Variants in KIF21B observed in about 807,000 individuals in gnomAD.
The protein encoded by KIF21B is kinesin family member 21B.
A neutral mutation model predicts 192.9 loss-of-function variants in KIF21B; 85 were observed. The ratio of observed to expected loss-of-function variants is 0.44; its 90% CI spans 0.37 to 0.53. The LOEUF (loss-of-function observed/expected upper bound fraction) is 0.53. KIF21B is among the 20% of genes least tolerant of loss of function. The pLI is 0.00. For missense variants in KIF21B, 1,716 were observed against 2,194.8 expected (o/e 0.78, Z 4.36); for synonymous variants, 832 against 884.6 (o/e 0.94, Z 1.05).
At chr1:200,976,153 C>T (rs556441432) in intron 32 of KIF21B, among the ~76,000 whole-genome samples, 3 of 152,284 alleles carry the variant, frequency 2.0e-5, no homozygotes, top group African/African-American at 7.2e-5. Context: ...TGCCGTGGTG[C>T]AAACTCGGCT....
chr1:201,014,586 C>T (rs1188089046), intron 1 of KIF21B, among the ~76,000 whole-genome samples: 2 of 152,222 alleles, frequency 1.3e-5, no homozygotes, highest in Non-Finnish European at 2.9e-5. Flanking sequence ...CCTAGCCGGG[C>T]CTCATCCCCA....
At chr1:201,011,024 G>A (rs1460404128) in intron 1 of KIF21B, among the ~76,000 whole-genome samples, 1 of 152,204 alleles carries the variant, frequency 6.6e-6, no homozygotes, top group Admixed American at 6.5e-5. Flanking sequence ...TTATAGGTCA[G>A]TGGTTCTCCC....
chr1:200,987,070 G>A lies in KIF21B; in HGVS notation c.3540C>T (p.Gly1180=). The change falls in exon 25 of 35, where the codon GGC becomes GGT. Residue 1180 remains glycine (G), a synonymous_variant. Transcript: ENST00000461742. ...SLVEIKEDGV[G]FSVRDPYYRD... ...GGTAATAGGGGTCTCGGACAGAGAA[G>A]CCCACTCCGTCCTCTTTGATCTCAA... The A allele has an allele frequency of 1.2e-6, 2 of 1,614,036 alleles. No individual in the cohort carries two copies. The highest frequency in any genetic ancestry group is 1.7e-6 in the Non-Finnish European group (2 of 1,180,006).
In KIF21B at chr1:200,975,432, A is replaced by C. The variant is rs1190017659; in HGVS notation, c.4614+67T>G. ...GCGAGTCCAGGTCCCAGGGTCTCCA[A>C]GGCCCTGCGTGGGCTATGGAAACCA... On this transcript the variant is annotated intron_variant, in intron 33 of 34. Transcript: ENST00000461742. This position sits in a 1 kb window ranked among gnomAD's most constrained non-coding sequence, Gnocchi z 4.3. 1 of 1,463,174 alleles carries C rather than the reference A, an allele frequency of 6.8e-7. No homozygotes were observed. Among genetic ancestry groups the C allele is most frequent in the Non-Finnish European group, 9.4e-7 (1 of 1,065,220 alleles). The allele number at this position is 1,463,174 out of a possible 1,614,324, so 90.6% of individuals were successfully genotyped here. A position where few individuals can be genotyped will look rare whatever the true frequency, so the allele number is the denominator to read the frequency against.
chr1:200,981,058 C>G lies in KIF21B; in HGVS notation c.3881G>C (p.Arg1294Pro). The G allele has an allele frequency of 6.2e-7, 1 of 1,606,534 alleles. No individual in the cohort carries two copies. Among genetic ancestry groups the G allele is most frequent in the Non-Finnish European group, 8.5e-7 (1 of 1,177,370 alleles). ...ISPVGGAKGA[R>P]TAPLQCVSMA... ...GGAGACACACTGCAGTGGGGCCGTC[C>G]GTGCACCCTTGGCTCCTCCAACCGG... Residue 1294 changes from arginine to proline, a missense_variant, in exon 29 of 35, where the codon CGG (arginine) becomes CCG (proline). Arg to Pro is a moderately radical substitution (Grantham distance 103, BLOSUM62 -2). Transcript: ENST00000461742.
Position 201,002,276 on chromosome 1 carries a change from C to T in KIF21B, c.1287G>A (p.Lys429=), listed in dbSNP as rs563360685. ...CCCGCAGCCGCAGGGCCCCATTCTC[C>T]TTCTGTAGCATGGCATTCTCTCGGA... ...DLFRENAMLQ[K]ENGALRLRVK... The change falls in exon 9 of 35, where the codon AAG becomes AAA. Residue 429 remains lysine, a synonymous_variant. Coordinates refer to ENST00000461742, the MANE Select transcript of KIF21B (RefSeq NM_001252102.2). The T allele has an allele frequency of 2.5e-6, 4 of 1,614,226 alleles. No individual in the cohort carries two copies. The African/African-American group carries it at 4.0e-5, about 16-fold the overall frequency.
intron 21 of KIF21B, 57 bp downstream of exon 21, chr1:200,989,885 T>C (rs1656563660): frequency 7.2e-7 from 1 of 1,384,032 alleles, no homozygotes; most frequent in Non-Finnish European, 1.0e-6. Context: ...CACTAGGGTA[T>C]ATCACAGAGG....
chr1:200,990,389 CA>C lies in KIF21B; in HGVS notation c.2836-58del, dbSNP rs2102410602. 1 of 1,525,348 alleles carries C rather than the reference CA, an allele frequency of 6.6e-7. No individual in the cohort carries two copies. The highest frequency in any genetic ancestry group is 8.9e-7 in the Non-Finnish European group (1 of 1,128,938). The allele number at this position is 1,525,348 out of a possible 1,614,324, so 94.5% of individuals were successfully genotyped here. A position where few individuals can be genotyped will look rare whatever the true frequency, so the allele number is the denominator to read the frequency against. On this transcript the variant is annotated intron_variant, in intron 19 of 34. Transcript: ENST00000461742. This position sits in a 1 kb window ranked among gnomAD's most constrained non-coding sequence, Gnocchi z 5.4. ...TGAAGGAGAGGCCTCAGGTAGCTGC[CA>C]AGCCCTGCCCATAGCTTCCACCACA...
rs200566164 is a variant in KIF21B at position 200,992,397 on chromosome 1, G to A, written c.2278-8C>T. 42 of 1,611,964 alleles carry A rather than the reference G, an allele frequency of 2.6e-5. No homozygotes were observed. Among genetic ancestry groups the A allele is most frequent in the African/African-American group, 2.3e-4 (17 of 75,068 alleles). On this transcript the variant is annotated splice_region_variant and splice_polypyrimidine_tract_variant and intron_variant, in intron 15 of 34. Coordinates refer to ENST00000461742, the MANE Select transcript of KIF21B (RefSeq NM_001252102.2). ...CTGCTTCATCAGGGCCACCTGGGATGGGCAGAGATTATGGTGGTGAGACAG... is the reference window on the plus strand; with the variant it reads ...CTGCTTCATCAGGGCCACCTGGGATAGGCAGAGATTATGGTGGTGAGACAG...
chr1:201,022,977 A>G (rs895240859), intron 1 of KIF21B, among the ~76,000 whole-genome samples: 2 of 152,244 alleles, frequency 1.3e-5, no homozygotes, highest in African/African-American at 4.8e-5. Flanking sequence ...CCTCTCTGGT[A>G]TCCCCGTATG....
intron 30 of KIF21B, 39 bp downstream of exon 30, chr1:200,979,496 C>T (rs1200171104): frequency 7.4e-6 from 11 of 1,484,300 alleles, no homozygotes; most frequent in Non-Finnish European, 9.0e-6. Flanking sequence ...ACACAGCCTG[C>T]TGCAGCCGAC....
Position 200,973,573 on chromosome 1 carries a change from A to G in KIF21B, c.4820T>C (p.Leu1607Pro), listed in dbSNP as rs1655340281. 2.0e-6 allele frequency: 3 copies of G among 1,515,452 alleles called. No individual in the cohort carries two copies. The highest frequency in any genetic ancestry group is 2.5e-5 in the East Asian group (1 of 40,018). The allele number at this position is 1,515,452 out of a possible 1,614,324, so 93.9% of individuals were successfully genotyped here. ...CCGGACACTCCAGAACTTCACCGTC[A>G]GGTCACTGGGGTGGAGGACAAAGTG... Reference protein sequence around the residue: ...AKHIFTASSDLTVKFWSVRRL... With the variant: ...AKHIFTASSDPTVKFWSVRRL... Residue 1607 changes from leucine to proline, a missense_variant, in exon 35 of 35, where the codon CTG (leucine) becomes CCG (proline). Coordinates refer to ENST00000461742, the MANE Select transcript of KIF21B (RefSeq NM_001252102.2).
At position 200,999,424 on chromosome 1, in the gene KIF21B, C is replaced by T. The variant is rs761570467; in HGVS notation, c.1810G>A (p.Gly604Arg). ...RDESGCEEEE[G>R]REDEDEDSGS... ...GAGTCCTCATCTTCATCCTCGCGCCCTTCCTCCTCCTCACAGCCACTCTCG... is the reference window on the plus strand; with the variant it reads ...GAGTCCTCATCTTCATCCTCGCGCCTTTCCTCCTCCTCACAGCCACTCTCG... Residue 604 changes from glycine to arginine, a missense_variant, in exon 13 of 35, where the codon GGG (glycine) becomes AGG (arginine). Gly to Arg is a moderately radical substitution (Grantham distance 125). Transcript: ENST00000461742. This position sits in a 1 kb window ranked among gnomAD's most constrained non-coding sequence, Gnocchi z 4.7. The T allele has an allele frequency of 1.9e-6, 3 of 1,614,034 alleles. No homozygotes were observed. The African/African-American group carries it at 4.0e-5, about 22-fold the overall frequency.
rs201161747 is a variant in KIF21B at position 200,991,013 on chromosome 1, C to T, written c.2591G>A (p.Arg864His). ...CTGGCGCACGATGCTGGAGACAGAG[C>T]GGGCCCCTGATTCAGCCTCAGATGA... ...TTSSEAESGA[R>H]SVSSIVRQWN... is the part of the protein sequence containing the mutation. The change falls in exon 18 of 35, where the codon CGC (arginine) becomes CAC (histidine). Residue 864 changes from arginine (R) to histidine (H), a missense_variant. By Grantham distance (29) the Arg-to-His change is conservative (BLOSUM62 0). Around this residue, in one of 3 missense-constraint regions of KIF21B, gnomAD observed 1,087 missense variants for 1,316.6 expected, o/e 0.83. Coordinates refer to ENST00000461742, the MANE Select transcript of KIF21B (RefSeq NM_001252102.2). The T allele has an allele frequency of 1.4e-5, 22 of 1,614,158 alleles. No individual in the cohort carries two copies. Among genetic ancestry groups the T allele is most frequent in the Admixed American group, 8.3e-5 (5 of 60,026 alleles).
intron 34 of KIF21B, 141 bp downstream of exon 34, chr1:200,974,573 T>A (rs1655418444): frequency 1.2e-6 from 1 of 840,290 alleles, no homozygotes. Context: ...AGGCTAGGTA[T>A]GCAAAGGAGG....
In KIF21B at chr1:200,980,968, C is replaced by G. The variant is rs781295347; in HGVS notation, c.3971G>C (p.Gly1324Ala). The G allele has an allele frequency of 7.4e-6, 12 of 1,611,518 alleles. No homozygotes were observed. Among genetic ancestry groups the G allele is most frequent in the Admixed American group, 3.4e-5 (2 of 59,546 alleles). Residue 1324 changes from glycine (G) to alanine (A), a missense_variant, in exon 29 of 35, where the codon GGG becomes GCG. Physicochemically the swap from Gly to Ala is moderately conservative, Grantham distance 60. This residue lies in a region of KIF21B where 580 missense variants were observed against 775.5 expected (regional missense o/e 0.75). Transcript: ENST00000461742. ...LDATDELLFT[G>A]SKDRSCKMWN... ...GTTGGCGTTCCACATACCTTTGGACCCTGTGAATAGCAACTCATCTGTGGC... is the reference window on the plus strand; with the variant it reads ...GTTGGCGTTCCACATACCTTTGGACGCTGTGAATAGCAACTCATCTGTGGC...
chr1:200,990,582 G>A lies in KIF21B; in HGVS notation c.2829C>T (p.Leu943=). Residue 943 remains leucine (L), a synonymous_variant, in exon 19 of 35, where the codon CTC becomes CTT. Coordinates refer to ENST00000461742, the MANE Select transcript of KIF21B (RefSeq NM_001252102.2). This position sits in a 1 kb window ranked among gnomAD's most constrained non-coding sequence, Gnocchi z 5.4. ...IVNLEADMER[L]IKKREELFLL... is the part of the protein sequence containing the mutation. ...AGGGGGAGGCAGGGCTCACCTTGAT[G>A]AGCCGCTCCATGTCAGCCTCCAGGT... 5 of 1,613,898 alleles carry A rather than the reference G, an allele frequency of 3.1e-6. No homozygotes were observed. The highest frequency in any genetic ancestry group is 1.1e-5 in the South Asian group (1 of 91,064).
chr1:201,005,461 G>T lies in KIF21B; in HGVS notation c.598-19C>A, dbSNP rs368001325. 5 of 1,600,796 alleles carry T rather than the reference G, an allele frequency of 3.1e-6. No homozygotes were observed. Among genetic ancestry groups the T allele is most frequent in the Non-Finnish European group, 4.3e-6 (5 of 1,171,934 alleles). ...GGATCAGCTGGAAACAGAAGCAGAA[G>T]TGAGGGCTTGGGACTACCGTGGTGC... On this transcript the variant is annotated intron_variant, in intron 4 of 34. Transcript: ENST00000461742.
Position 200,981,055 on chromosome 1 carries a change from G to A in KIF21B, c.3884C>T (p.Thr1295Met), listed in dbSNP as rs765805058. 8.1e-6 allele frequency: 13 copies of A among 1,607,450 alleles called. No individual in the cohort carries two copies. Among genetic ancestry groups the A allele is most frequent in the East Asian group, 4.5e-5 (2 of 44,450 alleles). The stretch of plus-strand genomic sequence containing the variant: ...CATGGAGACACACTGCAGTGGGGCC[G>A]TCCGTGCACCCTTGGCTCCTCCAAC... ...SPVGGAKGAR[T>M]APLQCVSMAE... The change falls in exon 29 of 35, where the codon ACG (threonine) becomes ATG (methionine). Residue 1295 changes from threonine (T) to methionine (M), a missense_variant. Physicochemically the swap from Thr to Met is moderately conservative, Grantham distance 81. Coordinates refer to ENST00000461742, the MANE Select transcript of KIF21B (RefSeq NM_001252102.2).
Sources: gnomAD v4.1 joint callset for allele counts (sites outside exome capture counted in the v4.1 genomes callset) on GRCh38, gnomAD v4.1.1 for gene constraint, gnomAD v4.1.1 regional missense constraint, Gnocchi (gnomAD v3.1) non-coding constraint, MANE v1.5 for transcripts, NCBI Gene and HGNC (gene_info 2026-07-23, HGNC 2026-07-21) for gene names.